Variants in NCAPD2 observed in about 807,000 individuals in gnomAD.
NCAPD2 encodes the protein non-SMC condensin I complex subunit D2, also known as condensin complex subunit 1.
A neutral mutation model predicts 164.5 loss-of-function variants in NCAPD2; 100 were observed. That is an observed-to-expected ratio of 0.61 (90% confidence interval 0.52 to 0.72). NCAPD2 has a LOEUF of 0.72. Ranked by LOEUF, NCAPD2 falls within the 30% of genes least tolerant of loss-of-function variation. The pLI is 0.00. For synonymous variants in NCAPD2, 585 were observed against 642.6 expected (o/e 0.91, Z 1.36); for missense variants, 1,560 against 1,749.2 (o/e 0.89, Z 1.93).
intron 13 of NCAPD2, among the ~76,000 whole-genome samples, chr12:6,520,479 C>T (rs903872937): frequency 1.3e-5 from 2 of 151,134 alleles, no homozygotes; most frequent in Non-Finnish European, 2.9e-5. Flanking sequence ...CACAGGCACA[C>T]ACCATCACAC....
intron 19 of NCAPD2, 33 bp from the exon 20 acceptor site, chr12:6,526,254 G>T (rs1186606043): frequency 1.2e-6 from 2 of 1,614,116 alleles, no homozygotes. Context: ...TGTCCACCCT[G>T]TACACACACC....
chr12:6,511,905 A>G (rs902565769), intron 6 of NCAPD2, among the ~76,000 whole-genome samples: 1 of 151,622 alleles, frequency 6.6e-6, no homozygotes, highest in African/African-American at 2.4e-5. Context: ...CATCACTTGA[A>G]CCTGGGAGAG....
chr12:6,511,344 T>G, intron 6 of NCAPD2, 92 bp downstream of exon 6: 1 of 1,437,812 alleles, frequency 7.0e-7, no homozygotes, highest in Non-Finnish European at 9.4e-7. Context: ...GTTTTTTTTT[T>G]GTGGGGGGAC....
intron 21 of NCAPD2, 103 bp downstream of exon 21, chr12:6,526,718 C>T: frequency 6.8e-7 from 1 of 1,480,472 alleles, no homozygotes. Context: ...CCTTAGTGTA[C>T]ACTGTGTCGT....
intron 8 of NCAPD2, 79 bp from the exon 9 acceptor site, chr12:6,514,694 G>A: frequency 6.2e-7 from 1 of 1,605,982 alleles, no homozygotes; most frequent in Non-Finnish European, 8.5e-7. Context: ...TCAGATATTA[G>A]ATACCTGTCT....
At chr12:6,530,857 C>T (rs1222180055) in intron 30 of NCAPD2, 40 bp downstream of exon 30, 1 of 1,609,446 alleles carries the variant, frequency 6.2e-7, no homozygotes, top group Non-Finnish European at 8.5e-7. Context: ...CAGACTGGGC[C>T]CTCCCCTCCT....
At chr12:6,522,559 G>T (rs11064245) in intron 15 of NCAPD2, among the ~76,000 whole-genome samples, 2 of 150,592 alleles carry the variant, frequency 1.3e-5, no homozygotes, top group African/African-American at 4.9e-5. Context: ...CACTCTAGCC[G>T]GAGCAACAGA....
intron 27 of NCAPD2, 165 bp from the exon 28 acceptor site, chr12:6,529,348 C>G (rs1021970701): frequency 9.0e-6 from 6 of 669,290 alleles, no homozygotes; most frequent in African/African-American, 3.6e-5. Flanking sequence ...GGGGTGGGGT[C>G]CCTCTCTGCT....
intron 6 of NCAPD2, among the ~76,000 whole-genome samples, chr12:6,513,931 G>A (rs11064241): frequency 0.37 from 56,086 of 151,316 alleles, 10,782 homozygotes; most frequent in Non-Finnish European, 0.43. Context: ...TGGCCAAGCT[G>A]GTCTTGAATG....
In NCAPD2 at chr12:6,509,757, G is replaced by C. The variant is rs1565541034; in HGVS notation, c.168G>C (p.Met56Ile). The change falls in exon 3 of 32, where the codon ATG becomes ATC. Residue 56 changes from methionine (M) to isoleucine (I), a missense_variant. Transcript: ENST00000315579. ...TTCGAGCTCAGGGGCCCCTGGCTAT[G>C]CTGCAGCACTTTGATACTATCTACA... The part of the protein sequence containing the change: ...AAFRAQGPLA[M>I]LQHFDTIYSI... 4 of 1,614,094 alleles carry C rather than the reference G, an allele frequency of 2.5e-6. No individual in the cohort carries two copies. The highest frequency in any genetic ancestry group is 3.4e-6 in the Non-Finnish European group (4 of 1,180,026).
chr12:6,509,495 C>T (rs1368168391), intron 2 of NCAPD2, among the ~76,000 whole-genome samples: 1 of 152,122 alleles, frequency 6.6e-6, no homozygotes, highest in Non-Finnish European at 1.5e-5. Context: ...CTTCTGACCG[C>T]AGGTAATCCA....
chr12:6,531,256 G>A lies in NCAPD2; in HGVS notation c.4121-71G>A, dbSNP rs1946370495. 1.3e-6 allele frequency: 2 copies of A among 1,529,268 alleles called. No homozygotes were observed. The highest frequency in any genetic ancestry group is 1.8e-5 in the Admixed American group (1 of 56,340). 94.7% of individuals were successfully genotyped at this position (1,529,268 alleles called of 1,614,324 possible). On this transcript the variant is annotated intron_variant, in intron 31 of 31. Coordinates refer to ENST00000315579, the MANE Select transcript of NCAPD2 (RefSeq NM_014865.4). The surrounding 1 kb of genome is among the most constrained non-coding windows in gnomAD (Gnocchi z 4.1). ...TGTGCGGTGTGGGATTGTCTCACTT[G>A]TTCTCTGATATCTATTTTTTCACCA...
intron 13 of NCAPD2, 81 bp downstream of exon 13, chr12:6,518,040 T>C: frequency 7.3e-7 from 1 of 1,371,350 alleles, no homozygotes; most frequent in Non-Finnish European, 1.0e-6. Flanking sequence ...ATGTGTCTTT[T>C]AAATTAACTG....
At chr12:6,521,246 GC>G (rs1946260932) in intron 14 of NCAPD2, 136 bp downstream of exon 14, 2 of 1,095,244 alleles carry the variant, frequency 1.8e-6, no homozygotes, top group South Asian at 3.3e-5. Flanking sequence ...CATTACTTTT[GC>G]TCTGGAATGG....
At chr12:6,502,720 A>G (rs1275667140) in intron 2 of NCAPD2, among the ~76,000 whole-genome samples, 1 of 151,996 alleles carries the variant, frequency 6.6e-6, no homozygotes, top group African/African-American at 2.4e-5. Flanking sequence ...AGGCTGGGGC[A>G]GGAGGATCGC....
intron 2 of NCAPD2, among the ~76,000 whole-genome samples, chr12:6,499,782 G>A (rs2137036202): frequency 6.6e-6 from 1 of 152,306 alleles, no homozygotes; most frequent in South Asian, 2.1e-4. Context: ...GATTGGTGAG[G>A]ACCACTGTGT....
At chr12:6,508,190 C>T (rs950201110) in intron 2 of NCAPD2, among the ~76,000 whole-genome samples, 8 of 151,966 alleles carry the variant, frequency 5.3e-5, no homozygotes, top group African/African-American at 1.9e-4. Flanking sequence ...GGCGTTGTGG[C>T]ACGCACCTGT....
At chr12:6,511,322 T>TTTTGTG in intron 6 of NCAPD2, 70 bp downstream of exon 6, 1 of 1,542,510 alleles carries the variant, frequency 6.5e-7, no homozygotes, top group Non-Finnish European at 8.7e-7. Context: ...GATATGCCGT[T>TTTTGTG]TTTTTGGTTT....
intron 2 of NCAPD2, among the ~76,000 whole-genome samples, chr12:6,505,463 T>C (rs763621267): frequency 2.0e-5 from 3 of 152,198 alleles, no homozygotes; most frequent in African/African-American, 4.8e-5. Context: ...GAGCTCACCA[T>C]AGTATCGACA....
Sources: allele counts gnomAD v4.1 joint callset (sites outside exome capture counted in the v4.1 genomes callset), GRCh38; gene constraint gnomAD v4.1.1; non-coding constraint Gnocchi (gnomAD v3.1); transcripts MANE v1.5; gene names NCBI Gene and HGNC (gene_info 2026-07-23, HGNC 2026-07-21).